Variants in FGF13 observed in about 807,000 individuals in gnomAD.
FGF13 encodes fibroblast growth factor 13, also known as fibroblast growth factor homologous factor 2.
In FGF13, 2 loss-of-function variants were observed where a neutral mutation model predicts 19.5. That is an observed-to-expected ratio of 0.10 (90% confidence interval 0.04 to 0.32). The LOEUF (loss-of-function observed/expected upper bound fraction) is 0.32. Among genes scored for constraint, FGF13 ranks in the 10% least tolerant of loss-of-function variants. The pLI is 1.00. For missense variants in FGF13, 113 were observed against 192.7 expected (o/e 0.59, Z 2.45); for synonymous variants, 72 against 76.9 (o/e 0.94, Z 0.33).
chrX:138,973,988 TAAG>T (rs776228660), intron 1 of FGF13, among the ~76,000 whole-genome samples: 2 of 111,743 alleles, frequency 1.8e-5, no homozygotes, highest in South Asian at 7.6e-4. Flanking sequence ...GGTAGCTTTA[TAAG>T]AAGAAGAGAG....
chrX:138,660,501 A>G (rs1021192599), intron 3 of FGF13, among the ~76,000 whole-genome samples: 1 of 111,945 alleles, frequency 8.9e-6, no homozygotes, highest in African/African-American at 3.2e-5. Flanking sequence ...GCAGGTGTAT[A>G]TATTTATGGA....
At chrX:139,017,339 G>GTATATA (rs34651307) in intron 1 of FGF13, among the ~76,000 whole-genome samples, 3,910 of 100,121 alleles carry the variant, frequency 0.039, 81 homozygotes, top group East Asian at 0.11. Flanking sequence ...ATACATGTAT[G>GTATATA]TATATATATA....
chrX:138,968,663 G>A (rs1243952303), intron 1 of FGF13, among the ~76,000 whole-genome samples: 1 of 112,063 alleles, frequency 8.9e-6, no homozygotes, highest in African/African-American at 3.2e-5. Context: ...CAACAGCAAA[G>A]CAGAAGCTAT....
chrX:139,095,631 T>A (rs934166215), intron 1 of FGF13, among the ~76,000 whole-genome samples: 3 of 112,080 alleles, frequency 2.7e-5, no homozygotes, highest in Non-Finnish European at 5.6e-5. Flanking sequence ...TCTTTAAAAC[T>A]GGAGATGATA....
At chrX:139,021,412 G>T (rs2092177887) in intron 1 of FGF13, among the ~76,000 whole-genome samples, 1 of 110,574 alleles carries the variant, frequency 9.0e-6, no homozygotes, top group Non-Finnish European at 1.9e-5. Context: ...ACACAAAATG[G>T]CATACTTATA....
chrX:139,065,695 A>G (rs1603175655), intron 1 of FGF13, among the ~76,000 whole-genome samples: 2 of 110,486 alleles, frequency 1.8e-5, no homozygotes, highest in Admixed American at 9.7e-5. Context: ...AGACCTACAA[A>G]GAGACTGAGA....
intron 3 of FGF13, among the ~76,000 whole-genome samples, chrX:138,798,273 G>C (rs1221199722): frequency 9.0e-6 from 1 of 111,271 alleles, no homozygotes; most frequent in Non-Finnish European, 1.9e-5. Context: ...AGCATGAAGG[G>C]GTGCTGTATT....
chrX:138,824,710 T>G (rs191742816), intron 3 of FGF13, among the ~76,000 whole-genome samples: 1 of 111,604 alleles, frequency 9.0e-6, no homozygotes, highest in East Asian at 2.8e-4. Context: ...TCTAAGTATA[T>G]TCAAAGAGCC....
At chrX:138,782,517 C>A (rs2090653729) in intron 3 of FGF13, among the ~76,000 whole-genome samples, 1 of 109,592 alleles carries the variant, frequency 9.1e-6, no homozygotes, top group Non-Finnish European at 1.9e-5. Context: ...TATACAACAA[C>A]AACAGACAAA....
chrX:138,670,824 T>C, intron 3 of FGF13, among the ~76,000 whole-genome samples: 1 of 112,180 alleles, frequency 8.9e-6, no homozygotes, highest in South Asian at 3.7e-4. Flanking sequence ...TATCATTTCA[T>C]TAATTCAAGT....
At position 139,167,085 on chromosome X, in the gene FGF13, C is replaced by A. The variant is rs188667180; in HGVS notation, c.-113+36331G>T. On this transcript the variant is annotated intron_variant, in intron 1 of 2. Coordinates refer to the FGF13 transcript ENST00000421460. ...ACTCCTATTCACCCAGTAAGACTCACATCAAATATCACCTGCTCTGAGAAG... is the reference window on the plus strand; with the variant it reads ...ACTCCTATTCACCCAGTAAGACTCAAATCAAATATCACCTGCTCTGAGAAG... Among the ~76,000 whole-genome samples the A allele has an allele frequency of 1.6e-3, 177 of 112,002 alleles. 1 individual carries two copies. Among genetic ancestry groups the A allele is most frequent in the South Asian group, 0.011 (29 of 2,667 alleles).
At chrX:139,067,079 C>A (rs893177112) in intron 1 of FGF13, among the ~76,000 whole-genome samples, 1 of 111,707 alleles carries the variant, frequency 9.0e-6, no homozygotes, top group Non-Finnish European at 1.9e-5. Flanking sequence ...TAAAATTGAA[C>A]ACCTCTTCAT....
intron 1 of FGF13, among the ~76,000 whole-genome samples, chrX:139,035,045 GATCT>G (rs1463451336): frequency 6.5e-4 from 73 of 111,829 alleles, no homozygotes; most frequent in Non-Finnish European, 7.9e-4. Flanking sequence ...GCTTGGCAAT[GATCT>G]ATCTTTCTAT....
intron 1 of FGF13, among the ~76,000 whole-genome samples, chrX:139,081,347 C>T (rs544824100): frequency 8.9e-6 from 1 of 111,783 alleles, no homozygotes; most frequent in South Asian, 3.8e-4. Flanking sequence ...ACCCATCAGC[C>T]ACTCCTTCTC....
At chrX:139,042,911 G>A (rs191186554) in intron 1 of FGF13, among the ~76,000 whole-genome samples, 2 of 111,690 alleles carry the variant, frequency 1.8e-5, no homozygotes, top group East Asian at 2.8e-4. Flanking sequence ...AGCTTATGGA[G>A]GACCGAAAAT....
Position 138,788,406 on chromosome X carries a change from T to G in FGF13, c.217+69106A>C, listed in dbSNP as rs778655209. 3.6e-5 allele frequency among the ~76,000 whole-genome samples: 4 copies of G among 112,378 alleles called. No homozygotes were observed. In the Admixed American group the frequency reaches 3.7e-4, roughly 11 times the overall value. On this transcript the variant is annotated intron_variant, in intron 3 of 6. Coordinates refer to the FGF13 transcript ENST00000436198. Reference sequence around the variant, plus strand: ...CAGAGGTCCCAACTTCTGGACCCACTGGGGTGGCCATCTTGCCCCTGCAAC... The same window carrying G: ...CAGAGGTCCCAACTTCTGGACCCACGGGGGTGGCCATCTTGCCCCTGCAAC...
chrX:139,054,117 C>CTTT lies in FGF13; in HGVS notation c.-113+149296_-113+149298dup, dbSNP rs58544411. Among the ~76,000 whole-genome samples the CTTT allele has an allele frequency of 2.5e-3, 86 of 33,979 alleles. 3 individuals are homozygous for CTTT. The highest frequency in any genetic ancestry group is 4.2e-3 in the African/African-American group (28 of 6,628). 29.5% of individuals were successfully genotyped at this position (33,979 alleles called of 115,157 possible). On this transcript the variant is annotated intron_variant, in intron 1 of 2. Transcript: ENST00000421460. Reference sequence around the variant, plus strand: ...TGTTCTGTTCGATTGGTCTACGTGCCTTTTTTTTTTTTTTTTTTTTTTTTT... The same window carrying CTTT: ...TGTTCTGTTCGATTGGTCTACGTGCCTTTTTTTTTTTTTTTTTTTTTTTTTTTT...
chrX:138,671,373 AC>A (rs1344695383), intron 3 of FGF13, among the ~76,000 whole-genome samples: 38 of 111,878 alleles, frequency 3.4e-4, no homozygotes, highest in African/African-American at 1.2e-3. Flanking sequence ...TCTTATAAAT[AC>A]AGGCAACGTT....
chrX:139,068,891 T>G (rs1396887841), intron 1 of FGF13, among the ~76,000 whole-genome samples: 1 of 110,947 alleles, frequency 9.0e-6, no homozygotes, highest in Non-Finnish European at 1.9e-5. Flanking sequence ...ATCAGAGAAA[T>G]GCAAATCAAA....
Sources: allele counts gnomAD v4.1 joint callset (sites outside exome capture counted in the v4.1 genomes callset), GRCh38; gene constraint gnomAD v4.1.1; transcripts MANE v1.5; gene names NCBI Gene and HGNC (gene_info 2026-07-23, HGNC 2026-07-21).